The following NBPF3 variants were observed in gnomAD, a reference collection of about 807,000 sequenced individuals.
The protein encoded by NBPF3 is NBPF family member NBPF3.
In NBPF3, 57 loss-of-function variants were observed where a neutral mutation model predicts 78.1. The ratio of observed to expected loss-of-function variants is 0.73; its 90% CI spans 0.59 to 0.91. NBPF3 has a LOEUF of 0.91. NBPF3 is among the 40% of genes least tolerant of loss of function. The pLI, the probability that NBPF3 is intolerant of heterozygous loss-of-function variation, is 0.00. For missense variants in NBPF3, 510 were observed against 715.3 expected (o/e 0.71, Z 3.27); for synonymous variants, 182 against 271.7 (o/e 0.67, Z 3.25).
At chr1:21,451,949 A>C (rs1470185656) in intron 2 of NBPF3, 2 of 585,736 alleles carry the variant, frequency 3.4e-6, no homozygotes. Context: ...GAAAGATGCC[A>C]CCAGTAGTTT....
At chr1:21,440,096 T>C (rs1026845303), upstream of NBPF3, 6 of 150,762 alleles carry the variant, frequency 4.0e-5, no homozygotes, top group Non-Finnish European at 8.9e-5. Context: ...ATCCGGACCC[T>C]GAGGAGCCAG....
chr1:21,479,806 C>CTCTCTA (rs147254124), intron 10 of NBPF3, among the ~76,000 whole-genome samples: 13,617 of 73,510 alleles, frequency 0.19, 805 homozygotes, highest in East Asian at 0.32. Context: ...CTCTCTCTCT[C>CTCTCTA]TCTCTCTCTC....
At chr1:21,451,428 A>G (rs540385128) in intron 2 of NBPF3, among the ~76,000 whole-genome samples, 1 of 152,362 alleles carries the variant, frequency 6.6e-6, no homozygotes, top group Admixed American at 6.5e-5. Context: ...ACTATTGTAC[A>G]TTCCATGCAT....
chr1:21,455,964 A>G (rs1415031914), intron 2 of NBPF3, among the ~76,000 whole-genome samples: 1 of 152,160 alleles, frequency 6.6e-6, no homozygotes, highest in African/African-American at 2.4e-5. Flanking sequence ...TCCAACTGAG[A>G]CACTAGAATG....
upstream of NBPF3, chr1:21,436,856 GA>G: frequency 2.6e-6 from 2 of 773,876 alleles, no homozygotes; most frequent in South Asian, 9.3e-5. The surrounding 1 kb of genome is among the most constrained non-coding windows in gnomAD (Gnocchi z 4.3). Context: ...GGCCCGGGGG[GA>G]GGGGCTCGCG....
intron 2 of NBPF3, chr1:21,466,228 A>C: frequency 1.1e-5 from 5 of 445,946 alleles, no homozygotes; most frequent in Non-Finnish European, 1.5e-5. Context: ...GACAAAGATA[A>C]AATCAAAAGT....
At chr1:21,437,887 C>G (rs1403617523), upstream of NBPF3, among the ~76,000 whole-genome samples, 1 of 149,460 alleles carries the variant, frequency 6.7e-6, no homozygotes, top group Admixed American at 6.7e-5. Context: ...TGCAGTGGAG[C>G]GATCTCGGCT....
chr1:21,450,045 A>G (rs191922207), intron 2 of NBPF3, among the ~76,000 whole-genome samples: 193 of 152,358 alleles, frequency 1.3e-3, no homozygotes, highest in Non-Finnish European at 2.2e-3. Context: ...CTTGCTGCCA[A>G]TTATCACATT....
In NBPF3 at chr1:21,445,126, C is replaced by G. The variant is rs1232529562; in HGVS notation, c.40C>G (p.Leu14Val). 6.2e-7 allele frequency: 1 copy of G among 1,611,934 alleles called. No individual in the cohort carries two copies. Among genetic ancestry groups the G allele is most frequent in the Non-Finnish European group, 8.5e-7 (1 of 1,179,826 alleles). ...CACTGTCCAGGGCTTCCAGTGGACT[C>G]TCCGAGGCCCTGATGTAGAAACTTC... ...TPTVQGFQWT[L>V]RGPDVETSPF... is the part of the protein sequence containing the mutation. The change falls in exon 2 of 15, where the codon CTC becomes GTC. Residue 14 changes from leucine to valine, a missense_variant. Around this residue, in one of 5 missense-constraint regions of NBPF3, gnomAD observed 440 missense variants for 478.2 expected, o/e 0.92. Transcript: ENST00000318249.
chr1:21,440,620 C>T (rs2147881641), intron 1 of NBPF3, among the ~76,000 whole-genome samples: 1 of 152,286 alleles, frequency 6.6e-6, no homozygotes, highest in South Asian at 2.1e-4. Flanking sequence ...AGGGACGGAG[C>T]AGCTTCGGGG....
At chr1:21,471,483 T>C (rs1277839945) in intron 4 of NBPF3, 86 bp from the exon 5 acceptor site, 1 of 1,599,518 alleles carries the variant, frequency 6.3e-7, no homozygotes, top group Non-Finnish European at 8.5e-7. Flanking sequence ...CTTGAGGACA[T>C]TGTCTCAGAA....
chr1:21,474,215 T>TC (rs1453500693), intron 7 of NBPF3, among the ~76,000 whole-genome samples: 1 of 151,438 alleles, frequency 6.6e-6, no homozygotes, highest in Non-Finnish European at 1.5e-5. Flanking sequence ...TTTTTCTTTT[T>TC]TTTTTTGTGA....
chr1:21,438,274 G>A (rs1421541118), upstream of NBPF3, among the ~76,000 whole-genome samples: 9 of 151,640 alleles, frequency 5.9e-5, no homozygotes, highest in African/African-American at 2.2e-4. Flanking sequence ...CACCATGTCT[G>A]GCTAATTTTT....
At chr1:21,472,780 G>A (rs1642669323) in intron 5 of NBPF3, 63 bp from the exon 6 acceptor site, 5 of 1,152,096 alleles carry the variant, frequency 4.3e-6, no homozygotes, top group Non-Finnish European at 6.6e-6. Flanking sequence ...GTGCACATTC[G>A]GCTGACTGTG....
intron 1 of NBPF3, among the ~76,000 whole-genome samples, chr1:21,441,706 C>CAAAAA (rs772118033): frequency 2.6e-5 from 2 of 76,922 alleles, no homozygotes; most frequent in Non-Finnish European, 2.9e-5. Context: ...GAGCCTATCT[C>CAAAAA]AAAAAAAAAA....
At chr1:21,436,908 C>A, upstream of NBPF3, 1 of 326,830 alleles carries the variant, frequency 3.1e-6, no homozygotes, top group Non-Finnish European at 5.4e-6. This position sits in a 1 kb window ranked among gnomAD's most constrained non-coding sequence, Gnocchi z 4.3. Context: ...GGAGGTCCGG[C>A]GGAGGAGTCT....
intron 1 of NBPF3, among the ~76,000 whole-genome samples, chr1:21,443,716 C>T (rs1477474814): frequency 6.6e-6 from 1 of 151,978 alleles, no homozygotes; most frequent in East Asian, 1.9e-4. Context: ...CAGGCTCAAG[C>T]AGTCCTCCCA....
intron 9 of NBPF3, 141 bp from the exon 10 acceptor site, chr1:21,479,208 C>A: frequency 2.2e-6 from 2 of 924,974 alleles, no homozygotes; most frequent in Non-Finnish European, 3.4e-6. Flanking sequence ...GCCCTCAGGC[C>A]TCCTGGTATA....
In NBPF3 at chr1:21,472,826, C is replaced by T. The variant is rs1642672797; in HGVS notation, c.662-17C>T. The T allele has an allele frequency of 1.9e-6, 3 of 1,579,158 alleles. No individual in the cohort carries two copies. The highest frequency in any genetic ancestry group is 1.1e-5 in the South Asian group (1 of 90,334). On this transcript the variant is annotated splice_polypyrimidine_tract_variant and intron_variant, in intron 5 of 14. Coordinates refer to ENST00000318249, the MANE Select transcript of NBPF3 (RefSeq NM_032264.6). ...GTGAATTGGGAAATATCTGAATGAA[C>T]ACTTCTGTATTTACAGAAAATGATG...
Sources: allele counts gnomAD v4.1 joint callset (sites outside exome capture counted in the v4.1 genomes callset), GRCh38; gene constraint gnomAD v4.1.1; regional missense constraint gnomAD v4.1.1; non-coding constraint Gnocchi (gnomAD v3.1); transcripts MANE v1.5; gene names NCBI Gene and HGNC (gene_info 2026-07-23, HGNC 2026-07-21).